ZNF329: variants seen among roughly 807,000 people sequenced by gnomAD.
ZNF329 encodes zinc finger protein 329.
A neutral mutation model predicts 26.6 loss-of-function variants in ZNF329; 15 were observed. That is an observed-to-expected ratio of 0.56 (90% confidence interval 0.38 to 0.87). ZNF329 has a LOEUF of 0.87. Among genes scored for constraint, ZNF329 ranks in the 40% least tolerant of loss-of-function variants. The pLI is 0.00. For missense variants in ZNF329, 651 were observed against 651.9 expected, an observed-to-expected ratio of 1.00 and a Z score of 0.02; for synonymous variants, 239 against 233.5, an observed-to-expected ratio of 1.02 and a Z score of -0.21.
At chr19:58,138,934 A>G (rs2075127570) in intron 3 of ZNF329, among the ~76,000 whole-genome samples, 1 of 152,000 alleles carries the variant, frequency 6.6e-6, no homozygotes, top group African/African-American at 2.4e-5. Flanking sequence ...GAGGCGGAGG[A>G]GACAGAGCAA....
intron 3 of ZNF329, among the ~76,000 whole-genome samples, chr19:58,134,480 T>C (rs947884768): frequency 3.3e-5 from 5 of 152,210 alleles, no homozygotes; most frequent in African/African-American, 7.2e-5. Flanking sequence ...TTAAAAAACA[T>C]GTTTGTAACA....
chr19:58,129,685 C>T (rs561778405), intron 3 of ZNF329, among the ~76,000 whole-genome samples, 174 bp from the exon 4 acceptor site: 2 of 152,252 alleles, frequency 1.3e-5, no homozygotes, highest in East Asian at 3.9e-4. Context: ...GAACCAAGAA[C>T]AGATTCAAAA....
rs143513293 is a variant in ZNF329, at chr19:58,127,922, G to A, written c.1582C>T (p.Arg528Ter). 57 of 1,610,358 alleles carry A rather than the reference G, an allele frequency of 3.5e-5. No homozygotes were observed. The highest frequency in any genetic ancestry group is 1.2e-4 in the African/African-American group (9 of 74,890). Residue 528 changes from arginine (R) to a stop codon, truncating the protein, a stop_gained, in exon 4 of 4, where the codon CGA (arginine) becomes TGA (stop). Coordinates refer to ENST00000598312, the MANE Select transcript of ZNF329 (RefSeq NM_024620.4). LOFTEE classifies it high-confidence loss of function. ...KMFQKSSSLV[R>*]HQRAHLGEQP... ...TCTCCCAGGTGTGCTCTTTGATGTC[G>A]AACAAGGGATGAGCTCTTTTGGAAC...
chr19:58,129,104 C>A lies in ZNF329; in HGVS notation c.400G>T (p.Glu134Ter), dbSNP rs754985461. The A allele has an allele frequency of 3.1e-6, 5 of 1,613,996 alleles. No individual in the cohort carries two copies. The South Asian group carries it at 5.5e-5, about 18-fold the overall frequency. The change falls in exon 4 of 4, where the codon GAA becomes TAA. Residue 134 changes from glutamate (E) to a stop codon, truncating the protein, a stop_gained. Transcript: ENST00000598312. LOFTEE classifies it high-confidence loss of function. ...ACTGGATTTCTTCCATGAATAACTT[C>A]CATGGAATGGTTGAAGCCTTTTCCA... The part of the protein sequence containing the change: ...ACGKGFNHSM[E>*]VIHGRNPVRE...
intron 1 of ZNF329, among the ~76,000 whole-genome samples, chr19:58,145,379 T>A (rs1410183683): frequency 6.8e-6 from 1 of 147,464 alleles, no homozygotes; most frequent in Non-Finnish European, 1.5e-5. Flanking sequence ...TGGAGTGTAG[T>A]GGCATGATCT....
chr19:58,140,002 T>C (rs965232328), intron 3 of ZNF329, among the ~76,000 whole-genome samples: 1 of 152,178 alleles, frequency 6.6e-6, no homozygotes, highest in Non-Finnish European at 1.5e-5. Flanking sequence ...TATGGAGCTG[T>C]CATATGATCC....
In ZNF329 at chr19:58,128,004, T is replaced by A; in HGVS notation, c.1500A>T (p.Val500=). ...KSFKQNSHLA[V]HQRLHSREGP... ...CCTCCCTGCTATGGAGTCTCTGATG[T>A]ACTGCCAGGTGAGAGTTCTGCTTGA... Residue 500 remains valine, a synonymous_variant, in exon 4 of 4, where the codon GTA becomes GTT. Coordinates refer to ENST00000598312, the MANE Select transcript of ZNF329 (RefSeq NM_024620.4). 1 of 1,614,104 alleles carries A rather than the reference T, an allele frequency of 6.2e-7. No individual in the cohort carries two copies. The highest frequency in any genetic ancestry group is 1.6e-4 in the Middle Eastern group (1 of 6,062).
chr19:58,147,195 C>T (rs1200311347), intron 1 of ZNF329, among the ~76,000 whole-genome samples: 8 of 151,286 alleles, frequency 5.3e-5, no homozygotes, highest in African/African-American at 1.2e-4. Flanking sequence ...CGCCTCTGCC[C>T]GGCCGCGACC....
upstream of ZNF329, chr19:58,155,046 G>A (rs2075520103): frequency 6.6e-6 from 1 of 152,350 alleles, no homozygotes; most frequent in Admixed American, 6.5e-5. Context: ...ATCCCGCAGT[G>A]GTTTGGGGAG....
chr19:58,142,469 T>A (rs1371049550), intron 3 of ZNF329, 88 bp downstream of exon 3: 1 of 152,614 alleles, frequency 6.6e-6, no homozygotes, highest in African/African-American at 2.4e-5. Flanking sequence ...TCTGCCACAT[T>A]TCTGGTATTT....
chr19:58,147,671 C>T lies in ZNF329; in HGVS notation c.-208+3081G>A, dbSNP rs1408527475. 1.2e-4 allele frequency among the ~76,000 whole-genome samples: 17 copies of T among 147,428 alleles called. 2 individuals carry two copies. Among genetic ancestry groups the T allele is most frequent in the African/African-American group, 3.4e-4 (13 of 38,080 alleles). On this transcript the variant is annotated intron_variant, in intron 1 of 3. Coordinates refer to ENST00000598312, the MANE Select transcript of ZNF329 (RefSeq NM_024620.4). The stretch of plus-strand genomic sequence containing the variant: ...GGGGCCAGCCCCCCGCCCGGCCAGC[C>T]GCCCTGTCTGGGAGATGAGGGGCGC...
intron 3 of ZNF329, among the ~76,000 whole-genome samples, chr19:58,140,041 G>C (rs2075150640): frequency 6.6e-6 from 1 of 152,124 alleles, no homozygotes; most frequent in Admixed American, 6.6e-5. Flanking sequence ...GTTTGGATAT[G>C]GTTTGTCCAC....
intron 1 of ZNF329, among the ~76,000 whole-genome samples, chr19:58,145,371 G>T (rs1359255269): frequency 6.8e-6 from 1 of 146,764 alleles, no homozygotes. Context: ...ACCCAGGCTG[G>T]AGTGTAGTGG....
At chr19:58,129,573 C>A (rs2074891642) in intron 3 of ZNF329, 62 bp from the exon 4 acceptor site, 1 of 1,361,504 alleles carries the variant, frequency 7.3e-7, no homozygotes, top group East Asian at 2.3e-5. Context: ...GAGAAACAGA[C>A]AATGATGATG....
At chr19:58,133,824 T>G (rs1277873722) in intron 3 of ZNF329, among the ~76,000 whole-genome samples, 2 of 148,810 alleles carry the variant, frequency 1.3e-5, no homozygotes, top group Admixed American at 1.4e-4. Context: ...CACAGTGAGA[T>G]GTCATCTCTT....
intron 1 of ZNF329, among the ~76,000 whole-genome samples, chr19:58,146,474 T>TA (rs1012998886): frequency 2.0e-4 from 26 of 126,874 alleles, no homozygotes; most frequent in Admixed American, 3.2e-4. Context: ...ATTCCATCTT[T>TA]AAAAAAAAAA....
intron 3 of ZNF329, among the ~76,000 whole-genome samples, chr19:58,134,673 T>C (rs561628702): frequency 1.5e-4 from 23 of 152,300 alleles, no homozygotes; most frequent in Middle Eastern, 6.8e-3. Context: ...CGGTGGCTCA[T>C]GCCTGTAATC....
chr19:58,146,783 C>T (rs1021467863), intron 1 of ZNF329, among the ~76,000 whole-genome samples: 2 of 152,032 alleles, frequency 1.3e-5, no homozygotes, highest in African/African-American at 2.4e-5. Context: ...CAGCTCCTAA[C>T]CACGAGTGAT....
At chr19:58,131,346 CTGAGGCTGCAG>C (rs1305931235) in intron 3 of ZNF329, among the ~76,000 whole-genome samples, 5 of 152,030 alleles carry the variant, frequency 3.3e-5, no homozygotes, top group African/African-American at 9.6e-5. Context: ...ACACAGAAGG[CTGAGGCTGCAG>C]TGAGCTGTAA....
Sources: gnomAD v4.1 joint callset for allele counts (sites outside exome capture counted in the v4.1 genomes callset) on GRCh38, gnomAD v4.1.1 for gene constraint, MANE v1.5 for transcripts, NCBI Gene and HGNC (gene_info 2026-07-23, HGNC 2026-07-21) for gene names.